Variants in NCOA1 observed in about 807,000 individuals in gnomAD.
The protein encoded by NCOA1 is Hin-2 protein.
In NCOA1, 35 loss-of-function variants were observed where a neutral mutation model predicts 150.9. The observed-to-expected ratio is 0.23, with a 90% CI of 0.18 to 0.31. The LOEUF (loss-of-function observed/expected upper bound fraction) is 0.31, where lower values mean the gene tolerates loss of function less well. Among genes scored for constraint, NCOA1 ranks in the 10% least tolerant of loss-of-function variants. NCOA1 has a pLI of 1.00. For synonymous variants in NCOA1, 590 were observed against 630.0 expected (o/e 0.94, Z 0.95); for missense variants, 1,491 against 1,749.3 (o/e 0.85, Z 2.63).
intron 3 of NCOA1, among the ~76,000 whole-genome samples, chr2:24,615,245 CAGT>C (rs946950505): frequency 1.3e-5 from 2 of 152,124 alleles, no homozygotes; most frequent in African/African-American, 4.8e-5. Context: ...CAGAATAACA[CAGT>C]AGAAATGGCC....
intron 1 of NCOA1, among the ~76,000 whole-genome samples, chr2:24,511,604 T>C (rs1663939348): frequency 6.6e-6 from 1 of 152,224 alleles, no homozygotes; most frequent in Non-Finnish European, 1.5e-5. Context: ...AAGAATTCTT[T>C]ATATATTCTG....
At position 24,728,336 on chromosome 2, in the gene NCOA1, C is replaced by T; in HGVS notation, c.2746C>T (p.Leu916Phe). 1 of 1,612,818 alleles carries T rather than the reference C, an allele frequency of 6.2e-7. No homozygotes were observed. The highest frequency in any genetic ancestry group is 8.5e-7 in the Non-Finnish European group (1 of 1,179,438). The change falls in exon 16 of 23, where the codon CTT becomes TTT. Residue 916 changes from leucine to phenylalanine, a missense_variant. Leu to Phe is a conservative substitution (Grantham distance 22, BLOSUM62 0). Coordinates refer to ENST00000348332, the MANE Select transcript of NCOA1 (RefSeq NM_003743.5). The stretch of plus-strand genomic sequence containing the variant: ...GTGTATTAGCTCACAATTAGATGAG[C>T]TTCTCTGTCCACCCACAACAGTAGA... ...DQCISSQLDE[L>F]LCPPTTVEGR... is the part of the protein sequence containing the mutation.
chr2:24,546,757 G>A (rs1572404116), intron 1 of NCOA1, among the ~76,000 whole-genome samples: 1 of 152,188 alleles, frequency 6.6e-6, no homozygotes, highest in East Asian at 1.9e-4. Flanking sequence ...GCATCGGTTG[G>A]GATCACTTAC....
chr2:24,657,233 G>T (rs1670991147), intron 4 of NCOA1, among the ~76,000 whole-genome samples: 1 of 137,968 alleles, frequency 7.2e-6, no homozygotes, highest in East Asian at 2.1e-4. Context: ...GGATGCTTTT[G>T]CTGCTGTTTA....
At chr2:24,686,091 T>C (rs1672390211) in intron 8 of NCOA1, among the ~76,000 whole-genome samples, 1 of 152,012 alleles carries the variant, frequency 6.6e-6, no homozygotes, top group South Asian at 2.1e-4. Flanking sequence ...AACCTCCGCC[T>C]CCTGGGTTCA....
intron 22 of NCOA1, chr2:24,767,891 C>G (rs1665148455): frequency 1.9e-6 from 1 of 528,570 alleles, no homozygotes; most frequent in African/African-American, 1.9e-5. Flanking sequence ...TTTTTAAAAC[C>G]TACCACTGGA....
At chr2:24,589,990 C>T (rs914067418) in intron 3 of NCOA1, among the ~76,000 whole-genome samples, 18 of 152,156 alleles carry the variant, frequency 1.2e-4, no homozygotes, top group Non-Finnish European at 2.5e-4. Context: ...TTCTGACTGT[C>T]ATGAGCAGAA....
rs1238425495 is a variant in NCOA1 at position 24,769,133 on chromosome 2, A to G, written c.*742A>G. On this transcript the variant is annotated 3_prime_UTR_variant, in exon 23 of 23. Coordinates refer to ENST00000348332, the MANE Select transcript of NCOA1 (RefSeq NM_003743.5). ...GAGTTGTGTCAATTATTGTAGATACAATTTTCTGATTAAATCTGGAAAAAT... is the reference window on the plus strand; with the variant it reads ...GAGTTGTGTCAATTATTGTAGATACGATTTTCTGATTAAATCTGGAAAAAT... 1 of 207,354 alleles carries G rather than the reference A, an allele frequency of 4.8e-6. No homozygotes were observed. Among genetic ancestry groups the G allele is most frequent in the African/African-American group, 2.3e-5 (1 of 43,906 alleles). The allele number at this position is 207,354 out of a possible 1,614,324, so 12.8% of individuals were successfully genotyped here.
chr2:24,674,527 A>G (rs1005739939), intron 7 of NCOA1, among the ~76,000 whole-genome samples: 3 of 152,080 alleles, frequency 2.0e-5, no homozygotes, highest in Admixed American at 2.0e-4. Context: ...TTAAAAATAT[A>G]AAATAAAGGT....
intron 3 of NCOA1, among the ~76,000 whole-genome samples, chr2:24,595,627 A>G (rs1667852835): frequency 6.6e-6 from 1 of 152,182 alleles, no homozygotes; most frequent in Non-Finnish European, 1.5e-5. Context: ...GTTGTGATTT[A>G]CCCAATGATA....
chr2:24,583,755 C>T (rs1667292393), intron 2 of NCOA1, among the ~76,000 whole-genome samples: 1 of 151,912 alleles, frequency 6.6e-6, no homozygotes, highest in African/African-American at 2.4e-5. Flanking sequence ...TGTGGATGAA[C>T]CTGGAGGACT....
In NCOA1 at chr2:24,658,700, C is replaced by T; in HGVS notation, c.23C>T (p.Ser8Leu). ...AACATGAGTGGCCTCGGGGACAGTTCATCCGACCCTGCTAACCCAGACTCA... is the reference window on the plus strand; with the variant it reads ...AACATGAGTGGCCTCGGGGACAGTTTATCCGACCCTGCTAACCCAGACTCA... MSGLGDS[S>L]SDPANPDSHK... is the part of the protein sequence containing the mutation. The change falls in exon 5 of 23, where the codon TCA (serine) becomes TTA (leucine). Residue 8 changes from serine (S) to leucine (L), a missense_variant. Around this residue, in one of 8 missense-constraint regions of NCOA1, gnomAD observed 40 missense variants for 39.6 expected, o/e 1.01. Coordinates refer to ENST00000348332, the MANE Select transcript of NCOA1 (RefSeq NM_003743.5). 1.2e-6 allele frequency: 2 copies of T among 1,614,022 alleles called. No individual in the cohort carries two copies. Among genetic ancestry groups the T allele is most frequent in the Non-Finnish European group, 1.7e-6 (2 of 1,179,950 alleles).
chr2:24,546,315 A>G (rs1184084591), intron 1 of NCOA1, among the ~76,000 whole-genome samples: 1 of 152,216 alleles, frequency 6.6e-6, no homozygotes, highest in Non-Finnish European at 1.5e-5. Flanking sequence ...AAGTCTTTAG[A>G]GAACAAAAGT....
intron 17 of NCOA1, among the ~76,000 whole-genome samples, chr2:24,737,260 G>A (rs1443820842): frequency 6.6e-6 from 1 of 152,164 alleles, no homozygotes; most frequent in Admixed American, 6.5e-5. Context: ...GAAGAGGCAG[G>A]TCAAAATAAG....
intron 14 of NCOA1, among the ~76,000 whole-genome samples, chr2:24,716,276 G>A (rs1289243517): frequency 6.7e-6 from 1 of 149,798 alleles, no homozygotes; most frequent in Admixed American, 6.7e-5. Flanking sequence ...GAAAACTTGG[G>A]AGTATTTATA....
At chr2:24,662,316 G>A (rs867147195) in intron 5 of NCOA1, among the ~76,000 whole-genome samples, 2 of 152,262 alleles carry the variant, frequency 1.3e-5, no homozygotes. Context: ...GGAGAATGAG[G>A]ATTAAAACGT....
In NCOA1 at chr2:24,571,184, C is replaced by T. The variant is rs189628017; in HGVS notation, c.-260+6754C>T. Among the ~76,000 whole-genome samples, 816 of 150,672 alleles carry T rather than the reference C, an allele frequency of 5.4e-3. 5 individuals carry two copies. The highest frequency in any genetic ancestry group is 9.6e-3 in the Non-Finnish European group (651 of 67,830). ...TAAGTAAGATTGGCCATTAGTTGAT[C>T]GTGCAACTAGACACTTGTGATTTGG... On this transcript the variant is annotated intron_variant, in intron 2 of 22. Transcript: ENST00000348332.
At chr2:24,637,144 C>A (rs1669974111) in intron 3 of NCOA1, among the ~76,000 whole-genome samples, 10 of 150,508 alleles carry the variant, frequency 6.6e-5, no homozygotes, top group Admixed American at 6.6e-4. Context: ...AGGTTAGTTA[C>A]ATATGTATAC....
intron 12 of NCOA1, 69 bp downstream of exon 12, chr2:24,705,302 T>G: frequency 6.7e-7 from 1 of 1,497,268 alleles, no homozygotes; most frequent in South Asian, 1.2e-5. Context: ...AGAAATTTTT[T>G]ATACTCTTGA....
Sources: allele counts gnomAD v4.1 joint callset (sites outside exome capture counted in the v4.1 genomes callset), GRCh38; gene constraint gnomAD v4.1.1; regional missense constraint gnomAD v4.1.1; transcripts MANE v1.5; gene names NCBI Gene and HGNC (gene_info 2026-07-23, HGNC 2026-07-21).